Variants in VCAN observed in about 807,000 individuals in gnomAD.
VCAN encodes versican core protein.
In VCAN, 44 loss-of-function variants were observed where a neutral mutation model predicts 245.5. The ratio of observed to expected loss-of-function variants is 0.18; its 90% CI spans 0.14 to 0.23. The LOEUF (loss-of-function observed/expected upper bound fraction) is 0.23, where lower values mean the gene tolerates loss of function less well. VCAN is among the 10% of genes least tolerant of loss of function. The pLI, the probability that VCAN is intolerant of heterozygous loss-of-function variation, is 1.00. For synonymous variants in VCAN, 1,413 were observed against 1,437.0 expected, an observed-to-expected ratio of 0.98 and a Z score of 0.38; for missense variants, 3,793 against 4,057.9, an observed-to-expected ratio of 0.93 and a Z score of 1.77.
chr5:83,576,544 G>A (rs894092385), intron 13 of VCAN, among the ~76,000 whole-genome samples: 1 of 152,060 alleles, frequency 6.6e-6, no homozygotes, highest in Non-Finnish European at 1.5e-5. Flanking sequence ...TCTTGAACTT[G>A]TTCTTGGTCA....
intron 9 of VCAN, among the ~76,000 whole-genome samples, chr5:83,546,831 A>C (rs1027987647): frequency 3.3e-5 from 5 of 152,186 alleles, no homozygotes; most frequent in African/African-American, 1.2e-4. Flanking sequence ...TTATATGACT[A>C]AGAAATTTAA....
chr5:83,523,272 G>A (rs1195506339), intron 7 of VCAN, among the ~76,000 whole-genome samples: 2 of 152,052 alleles, frequency 1.3e-5, no homozygotes, highest in Non-Finnish European at 2.9e-5. Context: ...ATCAATTCAG[G>A]TTTGTCTCTT....
At chr5:83,545,830 C>A (rs1747192256) in intron 9 of VCAN, among the ~76,000 whole-genome samples, 180 bp downstream of exon 9, 1 of 152,144 alleles carries the variant, frequency 6.6e-6, no homozygotes, top group African/African-American at 2.4e-5. Flanking sequence ...TACAGATATT[C>A]AGTGAATTCT....
chr5:83,571,087 G>A (rs1202398584), intron 12 of VCAN, among the ~76,000 whole-genome samples: 1 of 152,068 alleles, frequency 6.6e-6, no homozygotes, highest in Non-Finnish European at 1.5e-5. Flanking sequence ...CACCACTAAT[G>A]TTGTCATACT....
intron 6 of VCAN, 56 bp downstream of exon 6, chr5:83,512,452 A>ATTTT (rs1253304113): frequency 6.3e-7 from 1 of 1,580,036 alleles, no homozygotes; most frequent in Admixed American, 1.7e-5. Flanking sequence ...GCTTCGAAGC[A>ATTTT]TGCATTGATG....
chr5:83,555,392 T>TA, intron 12 of VCAN, among the ~76,000 whole-genome samples: 1 of 152,300 alleles, frequency 6.6e-6, no homozygotes, highest in East Asian at 1.9e-4. Flanking sequence ...AAAGTCATTT[T>TA]AAAAAAATAC....
At position 83,520,398 on chromosome 5, in the gene VCAN, A is replaced by G. The variant is rs746054312; in HGVS notation, c.2092A>G (p.Thr698Ala). The G allele has an allele frequency of 1.1e-5, 18 of 1,613,376 alleles. No individual in the cohort carries two copies. In the East Asian group the frequency reaches 2.7e-4, roughly 24 times the overall value. Residue 698 changes from threonine to alanine, a missense_variant, in exon 7 of 15, where the codon ACT (threonine) becomes GCT (alanine). By Grantham distance (58) the Thr-to-Ala change is moderately conservative. This residue lies in a region of VCAN where 3,182 missense variants were observed against 3,250.3 expected (regional missense o/e 0.98). Coordinates refer to ENST00000265077, the MANE Select transcript of VCAN (RefSeq NM_004385.5). Reference sequence around the variant, plus strand: ...ACTAATACCAGAGATGAGAACAGATACTTATACAGATGAAATACAAGAAGA... The same window carrying G: ...ACTAATACCAGAGATGAGAACAGATGCTTATACAGATGAAATACAAGAAGA... ...ETLIPEMRTDTYTDEIQEEIT... is the reference protein window; with the variant it reads ...ETLIPEMRTDAYTDEIQEEIT...
chr5:83,570,168 G>A (rs142163078), intron 12 of VCAN, among the ~76,000 whole-genome samples: 60 of 152,112 alleles, frequency 3.9e-4, no homozygotes, highest in African/African-American at 1.3e-3. Flanking sequence ...CATTTGGAGA[G>A]TAACACAGTG....
intron 5 of VCAN, among the ~76,000 whole-genome samples, chr5:83,494,542 C>T (rs982255844): frequency 2.0e-5 from 3 of 152,192 alleles, no homozygotes; most frequent in Admixed American, 6.5e-5. Context: ...TTTCAAGTCG[C>T]TTACAGTCTG....
At position 83,479,751 on chromosome 5, in the gene VCAN, G is replaced by A. The variant is rs112596089; in HGVS notation, c.-6-3762G>A. Among the ~76,000 whole-genome samples the A allele has an allele frequency of 9.5e-3, 1,439 of 152,268 alleles. 11 individuals carry two copies. Among genetic ancestry groups the A allele is most frequent in the Middle Eastern group, 0.031 (9 of 294 alleles). On this transcript the variant is annotated intron_variant, in intron 1 of 14. Coordinates refer to ENST00000265077, the MANE Select transcript of VCAN (RefSeq NM_004385.5). Reference sequence around the variant, plus strand: ...CTTAATGACCAAGGATAGGGACATAGCCTTGAGAAAATTACAGAAGTGGAA... The same window carrying A: ...CTTAATGACCAAGGATAGGGACATAACCTTGAGAAAATTACAGAAGTGGAA...
chr5:83,554,415 T>C (rs779453918), intron 11 of VCAN, among the ~76,000 whole-genome samples: 1 of 152,240 alleles, frequency 6.6e-6, no homozygotes, highest in Non-Finnish European at 1.5e-5. Context: ...TACTGCGTGA[T>C]ATCCTTGCCA....
rs980360375 is a variant in VCAN, at chr5:83,581,992, C to G, written c.*1558C>G. On this transcript the variant is annotated 3_prime_UTR_variant, in exon 15 of 15. Coordinates refer to ENST00000265077, the MANE Select transcript of VCAN (RefSeq NM_004385.5). ...TATTGATTCTTTTTTTATAAAACCT[C>G]CTTTGGCTTAGAAGGAATGACTCTA... is the stretch of plus-strand genomic sequence containing the variant. The G allele has an allele frequency of 1.3e-5, 2 of 152,094 alleles. No homozygotes were observed. The highest frequency in any genetic ancestry group is 2.9e-5 in the Non-Finnish European group (2 of 68,012). 9.4% of individuals were successfully genotyped at this position (152,094 alleles called of 1,614,324 possible).
At chr5:83,511,900 G>C (rs1190086356) in intron 5 of VCAN, among the ~76,000 whole-genome samples, 1 of 152,122 alleles carries the variant, frequency 6.6e-6, no homozygotes, top group Non-Finnish European at 1.5e-5. Context: ...AACTTCTCGG[G>C]TATGTGTTAT....
At chr5:83,505,611 T>TC (rs1467065713) in intron 5 of VCAN, among the ~76,000 whole-genome samples, 1 of 152,164 alleles carries the variant, frequency 6.6e-6, no homozygotes, top group African/African-American at 2.4e-5. Flanking sequence ...TCTGCAGCTT[T>TC]CCCGGGCACA....
intron 6 of VCAN, among the ~76,000 whole-genome samples, chr5:83,513,344 G>T (rs1053585671): frequency 6.6e-6 from 1 of 152,140 alleles, no homozygotes; most frequent in African/African-American, 2.4e-5. Flanking sequence ...TCTTGTTATA[G>T]CAATATGTCT....
chr5:83,549,213 T>C (rs1747360487), intron 10 of VCAN, among the ~76,000 whole-genome samples: 1 of 152,184 alleles, frequency 6.6e-6, no homozygotes, highest in Non-Finnish European at 1.5e-5. Flanking sequence ...CAAAAAATCG[T>C]TTTTTCAATG....
intron 5 of VCAN, among the ~76,000 whole-genome samples, chr5:83,511,440 T>G (rs6452541): frequency 6.6e-6 from 1 of 151,738 alleles, no homozygotes; most frequent in East Asian, 2.0e-4. Context: ...ACACTGGGCC[T>G]GGTGCTCCTG....
At chr5:83,565,569 G>C (rs1748049910) in intron 12 of VCAN, among the ~76,000 whole-genome samples, 1 of 152,116 alleles carries the variant, frequency 6.6e-6, no homozygotes, top group Non-Finnish European at 1.5e-5. Flanking sequence ...GAAATAGAAA[G>C]ATTCTAAACA....
chr5:83,566,306 C>T (rs1406704682), intron 12 of VCAN, among the ~76,000 whole-genome samples: 1 of 152,144 alleles, frequency 6.6e-6, no homozygotes, highest in Non-Finnish European at 1.5e-5. Flanking sequence ...AGTTATCCAT[C>T]ACTGCATAAG....
Sources: gnomAD v4.1 joint callset for allele counts (sites outside exome capture counted in the v4.1 genomes callset) on GRCh38, gnomAD v4.1.1 for gene constraint, gnomAD v4.1.1 regional missense constraint, MANE v1.5 for transcripts, NCBI Gene and HGNC (gene_info 2026-07-23, HGNC 2026-07-21) for gene names.